The following ITGAV variants were observed in gnomAD, a reference collection of about 807,000 sequenced individuals.
ITGAV encodes integrin alpha-V.
In ITGAV, 76 loss-of-function variants were observed where a neutral mutation model predicts 143.8. The observed-to-expected ratio is 0.53, with a 90% confidence interval of 0.44 to 0.64. The LOEUF is 0.64. Ranked by LOEUF, ITGAV falls within the 30% of genes least tolerant of loss-of-function variation. The pLI, the probability that ITGAV is intolerant of heterozygous loss-of-function variation, is 0.00. For missense variants in ITGAV, 1,193 were observed against 1,274.7 expected (o/e 0.94, Z 0.98); for synonymous variants, 453 against 446.7 (o/e 1.01, Z -0.18).
intron 2 of ITGAV, among the ~76,000 whole-genome samples, chr2:186,616,224 G>A (rs1406499395): frequency 1.3e-5 from 2 of 150,796 alleles, no homozygotes; most frequent in Non-Finnish European, 2.9e-5. Flanking sequence ...TCAGATTTTA[G>A]GCATACTAAT....
At chr2:186,651,445 G>A (rs749514641) in intron 14 of ITGAV, among the ~76,000 whole-genome samples, 7 of 151,732 alleles carry the variant, frequency 4.6e-5, no homozygotes, top group South Asian at 4.2e-4. Flanking sequence ...TATAAGAAGG[G>A]TATATAAAAA....
chr2:186,622,274 AAAAT>A, intron 2 of ITGAV, 61 bp from the exon 3 acceptor site: 1 of 1,135,306 alleles, frequency 8.8e-7, no homozygotes. Context: ...GCTGGGGATA[AAAAT>A]AAACTGTTAT....
At position 186,649,822 on chromosome 2, in the gene ITGAV, T is replaced by C. The variant is rs764352029; in HGVS notation, c.1352-18T>C. The C allele has an allele frequency of 6.5e-7, 1 of 1,543,760 alleles. No individual in the cohort carries two copies. Among genetic ancestry groups the C allele is most frequent in the Non-Finnish European group, 8.8e-7 (1 of 1,130,476 alleles). On this transcript the variant is annotated intron_variant, in intron 13 of 29. Coordinates refer to ENST00000261023, the MANE Select transcript of ITGAV (RefSeq NM_002210.5). Reference sequence around the variant, plus strand: ...AAACCATTATCATTATTAACATGTTTTTCCACTCTTTCTTAAGACTTAATT... The same window carrying C: ...AAACCATTATCATTATTAACATGTTCTTCCACTCTTTCTTAAGACTTAATT...
At chr2:186,630,725 C>T (rs1480811065) in intron 4 of ITGAV, 72 bp from the exon 5 acceptor site, 1 of 809,182 alleles carries the variant, frequency 1.2e-6, no homozygotes, top group Non-Finnish European at 2.1e-6. Context: ...CTAGTGATAT[C>T]AGATTTTCTC....
intron 26 of ITGAV, 166 bp downstream of exon 26, chr2:186,669,980 C>T: frequency 3.4e-6 from 2 of 581,492 alleles, no homozygotes; most frequent in Non-Finnish European, 6.0e-6. Context: ...CAGATTAATG[C>T]CATATTTTCT....
Position 186,659,047 on chromosome 2 carries a change from G to A in ITGAV, c.1729G>A (p.Glu577Lys). Residue 577 changes from glutamate (E) to lysine (K), a missense_variant, in exon 18 of 30, where the codon GAA (glutamate) becomes AAA (lysine). Coordinates refer to ENST00000261023, the MANE Select transcript of ITGAV (RefSeq NM_002210.5). Reference sequence around the variant, plus strand: ...GCGTTTCCATTTCTAGGATGAATCTGAATTTAGAGACAAACTCACTCCAAT... The same window carrying A: ...GCGTTTCCATTTCTAGGATGAATCTAAATTTAGAGACAAACTCACTCCAAT... ...ELIAYLRDES[E>K]FRDKLTPITI... 6.2e-7 allele frequency: 1 copy of A among 1,608,362 alleles called. No homozygotes were observed. Among genetic ancestry groups the A allele is most frequent in the Non-Finnish European group, 8.5e-7 (1 of 1,176,608 alleles).
At chr2:186,628,403 A>C (rs1189365439) in intron 4 of ITGAV, among the ~76,000 whole-genome samples, 5 of 152,230 alleles carry the variant, frequency 3.3e-5, no homozygotes, top group African/African-American at 1.2e-4. Context: ...AAGGAACTTC[A>C]CTGTCTGTCA....
intron 1 of ITGAV, chr2:186,600,525 G>A: frequency 9.2e-7 from 1 of 1,084,550 alleles, no homozygotes; most frequent in Admixed American, 2.7e-5. Context: ...TAACTGCTCT[G>A]TCTAAAGAAG....
intron 26 of ITGAV, among the ~76,000 whole-genome samples, chr2:186,674,700 T>C (rs1689160723): frequency 6.6e-6 from 1 of 151,850 alleles, no homozygotes; most frequent in Non-Finnish European, 1.5e-5. Context: ...TGAGTAGAGA[T>C]GGCATTTCAC....
At chr2:186,605,756 A>G (rs77756732) in intron 2 of ITGAV, among the ~76,000 whole-genome samples, 1 of 24,142 alleles carries the variant, frequency 4.1e-5, no homozygotes, top group Non-Finnish European at 9.3e-5. Context: ...ATATATATAT[A>G]TATTTATATG....
intron 18 of ITGAV, among the ~76,000 whole-genome samples, chr2:186,662,984 T>A (rs1688788861): frequency 6.6e-6 from 1 of 152,170 alleles, no homozygotes; most frequent in African/African-American, 2.4e-5. Context: ...TGGCCTCATC[T>A]TTATTTTCCA....
At chr2:186,598,294 TAC>T (rs56789925) in intron 1 of ITGAV, among the ~76,000 whole-genome samples, 8,519 of 147,870 alleles carry the variant, frequency 0.058, 255 homozygotes, top group South Asian at 0.094. Flanking sequence ...TTATAATTTA[TAC>T]ACACACACAC....
chr2:186,613,703 G>T (rs1687278685), intron 2 of ITGAV, among the ~76,000 whole-genome samples: 1 of 152,046 alleles, frequency 6.6e-6, no homozygotes, highest in Admixed American at 6.6e-5. Flanking sequence ...AAAGCAAATT[G>T]TCCTTTCGTT....
chr2:186,626,743 T>G (rs1016644555), intron 4 of ITGAV, among the ~76,000 whole-genome samples: 1 of 152,148 alleles, frequency 6.6e-6, no homozygotes, highest in South Asian at 2.1e-4. Context: ...AGATCTGTAT[T>G]GTGTGTTAGG....
At chr2:186,656,524 G>T (rs1407488479) in intron 17 of ITGAV, 123 bp downstream of exon 17, 7 of 706,314 alleles carry the variant, frequency 9.9e-6, no homozygotes, top group Middle Eastern at 2.8e-4. Flanking sequence ...ATACACAAAG[G>T]AAATTTAGCT....
intron 13 of ITGAV, 95 bp downstream of exon 13, chr2:186,646,972 C>T (rs1284873648): frequency 2.4e-6 from 2 of 838,102 alleles, no homozygotes; most frequent in Non-Finnish European, 3.6e-6. Flanking sequence ...TAAATTATTG[C>T]AATTCAGTAT....
At chr2:186,660,678 A>AG (rs1479273828) in intron 18 of ITGAV, 1 of 152,212 alleles carries the variant, frequency 6.6e-6, no homozygotes, top group African/African-American at 2.4e-5. Context: ...GAAAAGGTAT[A>AG]GGTGAAATTT....
intron 2 of ITGAV, among the ~76,000 whole-genome samples, chr2:186,607,106 G>A (rs1323664285): frequency 6.6e-6 from 1 of 151,958 alleles, no homozygotes; most frequent in Non-Finnish European, 1.5e-5. Flanking sequence ...CATTACCTTG[G>A]GAAAATTACC....
At chr2:186,616,364 C>T (rs1305547567) in intron 2 of ITGAV, among the ~76,000 whole-genome samples, 1 of 148,690 alleles carries the variant, frequency 6.7e-6, no homozygotes, top group East Asian at 2.0e-4. Flanking sequence ...CTGCAAGCTC[C>T]GCCTCCCGGG....
Sources: allele counts gnomAD v4.1 joint callset (sites outside exome capture counted in the v4.1 genomes callset), GRCh38; gene constraint gnomAD v4.1.1; transcripts MANE v1.5; gene names NCBI Gene and HGNC (gene_info 2026-07-23, HGNC 2026-07-21).